The following DNAH9 variants were observed in gnomAD, a reference collection of about 807,000 sequenced individuals.
The protein encoded by DNAH9 is DNAH9 variant protein.
A neutral mutation model predicts 471.6 loss-of-function variants in DNAH9; 345 were observed. The ratio of observed to expected loss-of-function variants is 0.73; its 90% CI spans 0.67 to 0.80. The LOEUF (loss-of-function observed/expected upper bound fraction) is 0.80. DNAH9 is among the 30% of genes least tolerant of loss of function. The pLI is 0.00. For synonymous variants in DNAH9, 2,093 were observed against 2,123.6 expected, an observed-to-expected ratio of 0.99 and a Z score of 0.40; for missense variants, 5,407 against 5,609.2, an observed-to-expected ratio of 0.96 and a Z score of 1.15.
chr17:11,958,532 A>G (rs1210697759), intron 67 of DNAH9, among the ~76,000 whole-genome samples: 1 of 152,222 alleles, frequency 6.6e-6, no homozygotes, highest in Non-Finnish European at 1.5e-5. Context: ...CATAGAATGT[A>G]CAACGCAAAG....
intron 46 of DNAH9, 145 bp downstream of exon 46, chr17:11,822,207 G>C: frequency 9.3e-7 from 1 of 1,072,286 alleles, no homozygotes. Context: ...GAGCACAGTT[G>C]CCAGGACACC....
chr17:11,711,427 T>C (rs2074825749), intron 26 of DNAH9, among the ~76,000 whole-genome samples: 2 of 152,192 alleles, frequency 1.3e-5, no homozygotes, highest in South Asian at 4.1e-4. Context: ...TTCTTAATGA[T>C]TTATGATGTT....
chr17:11,854,635 C>T (rs903370396), intron 50 of DNAH9, among the ~76,000 whole-genome samples: 1 of 152,188 alleles, frequency 6.6e-6, no homozygotes, highest in Non-Finnish European at 1.5e-5. Context: ...TTCCACTGGA[C>T]CACTGGTTTA....
intron 57 of DNAH9, among the ~76,000 whole-genome samples, chr17:11,887,962 G>A (rs1972928995): frequency 6.6e-6 from 1 of 151,466 alleles, no homozygotes; most frequent in Non-Finnish European, 1.5e-5. Context: ...TGGATGAACT[G>A]TGTTTATAAT....
At chr17:11,849,365 C>A (rs1971333678) in intron 49 of DNAH9, among the ~76,000 whole-genome samples, 1 of 152,206 alleles carries the variant, frequency 6.6e-6, no homozygotes, top group Non-Finnish European at 1.5e-5. Flanking sequence ...CCTCATCATT[C>A]CATTCCCTGC....
Position 11,781,141 on chromosome 17 carries a change from C to T in DNAH9, c.7685C>T (p.Thr2562Ile). The T allele has an allele frequency of 1.9e-6, 3 of 1,614,150 alleles. No homozygotes were observed. The highest frequency in any genetic ancestry group is 2.5e-6 in the Non-Finnish European group (3 of 1,180,032). Residue 2562 changes from threonine (T) to isoleucine (I), a missense_variant, in exon 39 of 69, where the codon ACC (threonine) becomes ATC (isoleucine). Thr to Ile is a moderately conservative substitution (Grantham distance 89). This residue lies in a region of DNAH9 where 4,636 missense variants were observed against 4,900.3 expected (regional missense o/e 0.95). Transcript: ENST00000262442. ...VDAYGTVQPH[T>I]IIRQHLDYGH... Reference sequence around the variant, plus strand: ...GCCTACGGGACGGTGCAGCCCCACACCATCATCCGGCAGCATCTGGACTAT... The same window carrying T: ...GCCTACGGGACGGTGCAGCCCCACATCATCATCCGGCAGCATCTGGACTAT...
chr17:11,694,038 A>G, intron 21 of DNAH9, 40 bp downstream of exon 21: 1 of 1,600,626 alleles, frequency 6.2e-7, no homozygotes, highest in Non-Finnish European at 8.5e-7. Context: ...ATAAGAAGGC[A>G]TCATTTCCTT....
Position 11,969,612 on chromosome 17 carries a change from A to C in DNAH9, c.*85A>C. The C allele has an allele frequency of 9.2e-7, 1 of 1,089,456 alleles. No individual in the cohort carries two copies. Among genetic ancestry groups the C allele is most frequent in the Non-Finnish European group, 1.3e-6 (1 of 777,252 alleles). The allele number at this position is 1,089,456 out of a possible 1,614,324, so 67.5% of individuals were successfully genotyped here. ...AGGTGGGTGAAGGGTCACCACAGAC[A>C]CTTAGAACGGTAAGAAACCATGAGC... On this transcript the variant is annotated 3_prime_UTR_variant, in exon 69 of 69. Transcript: ENST00000262442.
Position 11,757,706 on chromosome 17 carries a change from CA to C in DNAH9, c.6995+16del. ...ACTCAGAACCAGGTAGGCCAAGAAA[CA>C]AGGAAGATAGAGAGTTAAAGCAGCA... On this transcript the variant is annotated intron_variant, in intron 35 of 68. Coordinates refer to ENST00000262442, the MANE Select transcript of DNAH9 (RefSeq NM_001372.4). 6.2e-7 allele frequency: 1 copy of C among 1,613,038 alleles called. No homozygotes were observed. Among genetic ancestry groups the C allele is most frequent in the Non-Finnish European group, 8.5e-7 (1 of 1,179,762 alleles).
chr17:11,713,103 T>C (rs2074901894), intron 26 of DNAH9, among the ~76,000 whole-genome samples: 1 of 152,090 alleles, frequency 6.6e-6, no homozygotes, highest in Non-Finnish European at 1.5e-5. Context: ...CTTCTTTGTG[T>C]TAATAAATTC....
chr17:11,644,700 G>A lies in DNAH9; in HGVS notation c.1970+1G>A. On this transcript the variant is annotated splice_donor_variant, in intron 11 of 68. Coordinates refer to ENST00000262442, the MANE Select transcript of DNAH9 (RefSeq NM_001372.4). LOFTEE classifies it high-confidence loss of function. ...AAGATATGCTGTCATTGCTAGAAAA[G>A]TAAGCAACTTCTGGCATTGCGTGGG... 2 of 1,609,908 alleles carry A rather than the reference G, an allele frequency of 1.2e-6. No homozygotes were observed. Among genetic ancestry groups the A allele is most frequent in the South Asian group, 2.2e-5 (2 of 90,838 alleles).
At chr17:11,703,469 A>G (rs2074639650) in intron 24 of DNAH9, among the ~76,000 whole-genome samples, 1 of 152,188 alleles carries the variant, frequency 6.6e-6, no homozygotes, top group Non-Finnish European at 1.5e-5. Flanking sequence ...AATGTCATCT[A>G]GAGTGGTGTC....
chr17:11,668,910 T>C (rs1023397601), intron 15 of DNAH9, among the ~76,000 whole-genome samples, 154 bp from the exon 16 acceptor site: 3 of 152,124 alleles, frequency 2.0e-5, no homozygotes, highest in African/African-American at 7.2e-5. Context: ...CCTCACATTG[T>C]ATGGGATGTA....
intron 15 of DNAH9, among the ~76,000 whole-genome samples, chr17:11,665,247 G>A (rs1230542272): frequency 1.3e-5 from 2 of 152,216 alleles, no homozygotes; most frequent in African/African-American, 4.8e-5. Context: ...TCAAGCTTCA[G>A]TAAAGAGGAG....
chr17:11,823,034 G>C lies in DNAH9; in HGVS notation c.9246G>C (p.Gln3082His). The C allele has an allele frequency of 1.2e-6, 2 of 1,610,308 alleles. No individual in the cohort carries two copies. Among genetic ancestry groups the C allele is most frequent in the Non-Finnish European group, 8.5e-7 (1 of 1,178,024 alleles). Residue 3082 changes from glutamine (Q) to histidine (H), a missense_variant and splice_region_variant, in exon 48 of 69, where the codon CAG becomes CAC. By Grantham distance (24) the Gln-to-His change is conservative. Coordinates refer to ENST00000262442, the MANE Select transcript of DNAH9 (RefSeq NM_001372.4). ...TGAAGCTGCATAGCACCTCTGCCCA[G>C]GTGAGCAATGTCCCGCTCCTTCCAC... ...GLLKLHSTSA[Q>H]VDDLKAKLAA...
At chr17:11,717,075 G>A (rs2074977212) in intron 26 of DNAH9, among the ~76,000 whole-genome samples, 1 of 152,210 alleles carries the variant, frequency 6.6e-6, no homozygotes, top group Non-Finnish European at 1.5e-5. Context: ...GGTAACAGTG[G>A]CCAAGAAGGA....
At chr17:11,628,575 C>T (rs969835959) in intron 6 of DNAH9, among the ~76,000 whole-genome samples, 31 of 152,166 alleles carry the variant, frequency 2.0e-4, no homozygotes, top group African/African-American at 4.1e-4. Flanking sequence ...GCACGCCCAG[C>T]GAGGGCGCCC....
intron 27 of DNAH9, among the ~76,000 whole-genome samples, chr17:11,722,165 C>G (rs946988142): frequency 6.6e-6 from 1 of 152,080 alleles, no homozygotes; most frequent in African/African-American, 2.4e-5. Context: ...TCATGACACT[C>G]ACAGCAATAT....
rs755040179 is a variant in DNAH9 at position 11,744,873 on chromosome 17, A to G, written c.6188A>G (p.Asp2063Gly). 3.7e-6 allele frequency: 6 copies of G among 1,614,146 alleles called. No individual in the cohort carries two copies. The South Asian group carries it at 6.6e-5, about 18-fold the overall frequency. ...GGATCCCTGAAGAGAGGAGACCCTGACCGGCCTGAGGACCAGGTCCTGATG... is the reference window on the plus strand; with the variant it reads ...GGATCCCTGAAGAGAGGAGACCCTGGCCGGCCTGAGGACCAGGTCCTGATG... ...VAGSLKRGDP[D>G]RPEDQVLMRS... The change falls in exon 31 of 69, where the codon GAC becomes GGC. Residue 2063 changes from aspartate (D) to glycine (G), a missense_variant. This residue lies in a region of DNAH9 where 4,636 missense variants were observed against 4,900.3 expected (regional missense o/e 0.95). Coordinates refer to ENST00000262442, the MANE Select transcript of DNAH9 (RefSeq NM_001372.4).
Sources: allele counts gnomAD v4.1 joint callset (sites outside exome capture counted in the v4.1 genomes callset), GRCh38; gene constraint gnomAD v4.1.1; regional missense constraint gnomAD v4.1.1; transcripts MANE v1.5; gene names NCBI Gene and HGNC (gene_info 2026-07-23, HGNC 2026-07-21).